KIF7: variants seen among roughly 807,000 people sequenced by gnomAD.
KIF7 encodes the protein kinesin-like protein KIF7.
In KIF7, 104 loss-of-function variants were observed where a neutral mutation model predicts 135.7. That is an observed-to-expected ratio of 0.77 (90% CI 0.65 to 0.90). KIF7 has a LOEUF of 0.90. Ranked by LOEUF, KIF7 falls within the 40% of genes least tolerant of loss-of-function variation. The probability of loss-of-function intolerance (pLI) is 0.00; values close to 1 mark genes in which losing one functional copy is unlikely to be tolerated. For missense variants in KIF7, 2,005 were observed against 1,839.1 expected, an observed-to-expected ratio of 1.09 and a Z score of -1.65; for synonymous variants, 883 against 809.4, an observed-to-expected ratio of 1.09 and a Z score of -1.54.
At chr15:89,623,721 G>T, downstream of KIF7, 1 of 1,614,028 alleles carries the variant, frequency 6.2e-7, no homozygotes, top group Non-Finnish European at 8.5e-7. Flanking sequence ...CTCCAGAAAG[G>T]CTGCAGAAGT....
intron 2 of KIF7, among the ~76,000 whole-genome samples, chr15:89,651,205 T>C (rs1252693777): frequency 1.3e-5 from 2 of 152,202 alleles, no homozygotes; most frequent in Non-Finnish European, 2.9e-5. Flanking sequence ...GTTCAAGCGA[T>C]TCCCCTGCCT....
chr15:89,636,758 TAGAC>T (rs1421122205), intron 11 of KIF7, among the ~76,000 whole-genome samples: 2 of 103,852 alleles, frequency 1.9e-5, no homozygotes, highest in Non-Finnish European at 3.9e-5. Context: ...ATGTCAACAT[TAGAC>T]AGATCAACAA....
chr15:89,629,051 G>T lies in KIF7; in HGVS notation c.3589C>A (p.Leu1197Met). The change falls in exon 18 of 19, where the codon CTG becomes ATG. Residue 1197 changes from leucine to methionine, a missense_variant. Leu to Met is a conservative substitution (Grantham distance 15). Coordinates refer to ENST00000394412, the MANE Select transcript of KIF7 (RefSeq NM_198525.3). ...TGGTTTATCCACATGTAACGGCCCA[G>T]TTCCTTCTCCAGAGCTTGAATCCGG... ...EARIQALEKE[L>M]GRYMWINQEL... 1 of 1,613,488 alleles carries T rather than the reference G, an allele frequency of 6.2e-7. No individual in the cohort carries two copies. The highest frequency in any genetic ancestry group is 8.5e-7 in the Non-Finnish European group (1 of 1,179,924).
At chr15:89,624,676 C>G, downstream of KIF7, 1 of 1,614,076 alleles carries the variant, frequency 6.2e-7, no homozygotes, top group Non-Finnish European at 8.5e-7. Flanking sequence ...CTCTCCTCTG[C>G]TCATTACAAG....
chr15:89,632,683 A>G, intron 14 of KIF7, 137 bp downstream of exon 14: 1 of 890,340 alleles, frequency 1.1e-6, no homozygotes. Context: ...CAGGTTTATC[A>G]CTTGGAAGGA....
At chr15:89,624,330 G>C, downstream of KIF7, 1 of 1,614,182 alleles carries the variant, frequency 6.2e-7, no homozygotes, top group South Asian at 1.1e-5. Context: ...AACTGGATCA[G>C]AAAGAGCCCC....
chr15:89,650,596 G>A (rs1441263307), intron 2 of KIF7, among the ~76,000 whole-genome samples: 4 of 152,174 alleles, frequency 2.6e-5, no homozygotes, highest in African/African-American at 9.7e-5. Flanking sequence ...GTTTCACCAT[G>A]TTGGCCAGGC....
downstream of KIF7, among the ~76,000 whole-genome samples, chr15:89,622,993 C>T (rs554338281): frequency 3.9e-5 from 6 of 152,324 alleles, no homozygotes; most frequent in South Asian, 1.0e-3. Flanking sequence ...GCCAGCTAGA[C>T]TGAGAGTCCC....
chr15:89,627,611 A>C (rs182275540), downstream of KIF7: 477 of 155,008 alleles, frequency 3.1e-3, 3 homozygotes, highest in Middle Eastern at 0.01. Flanking sequence ...CACTCAGTAC[A>C]TTTTTGTTTA....
At position 89,646,013 on chromosome 15, in the gene KIF7, C is replaced by A; in HGVS notation, c.1802G>T (p.Gly601Val). The change falls in exon 8 of 19, where the codon GGC (glycine) becomes GTC (valine). Residue 601 changes from glycine (G) to valine (V), a missense_variant. Transcript: ENST00000394412. ...SEQRGEQVTN[G>V]REAGAELLTE... ...CAGCAACTCAGCTCCAGCCTCCCTG[C>A]CATTTGTCACCTGCTAGGGGAGTGA... is the stretch of plus-strand genomic sequence containing the variant. The A allele has an allele frequency of 1.2e-6, 2 of 1,613,936 alleles. No individual in the cohort carries two copies. Among genetic ancestry groups the A allele is most frequent in the Non-Finnish European group, 1.7e-6 (2 of 1,179,982 alleles).
downstream of KIF7, chr15:89,627,009 G>C: frequency 6.2e-7 from 1 of 1,614,028 alleles, no homozygotes; most frequent in Non-Finnish European, 8.5e-7. Flanking sequence ...TTTCAGTCGC[G>C]CTTTCTCCAG....
chr15:89,638,498 CCAA>C (rs1963856327), intron 11 of KIF7, among the ~76,000 whole-genome samples: 1 of 151,556 alleles, frequency 6.6e-6, no homozygotes, highest in African/African-American at 2.4e-5. Flanking sequence ...TTCTTATACA[CCAA>C]CAACAAACAG....
intron 1 of KIF7, among the ~76,000 whole-genome samples, chr15:89,653,772 GTATTAGTATTAGTA>G: frequency 1.5e-5 from 1 of 67,106 alleles, no homozygotes; most frequent in East Asian, 2.8e-4. Context: ...ATTAGTATTA[GTATTAGTATTAGTA>G]TTTTGTAGAG....
downstream of KIF7, chr15:89,624,223 C>T (rs775702308): frequency 6.2e-7 from 1 of 1,614,196 alleles, no homozygotes; most frequent in East Asian, 2.2e-5. Context: ...TTCTTCCCCA[C>T]CTGTTACGCC....
At chr15:89,658,446 C>CAGAGAG (rs142155148), upstream of KIF7, among the ~76,000 whole-genome samples, 1 of 144,222 alleles carries the variant, frequency 6.9e-6, no homozygotes, top group African/African-American at 2.6e-5. Flanking sequence ...ACCCCATCTC[C>CAGAGAG]AGAGAGAGAG....
downstream of KIF7, chr15:89,624,000 TTCA>T (rs113279024): frequency 9.3e-5 from 150 of 1,613,862 alleles, no homozygotes; most frequent in African/African-American, 1.7e-3. Context: ...CCCCTCCAAC[TTCA>T]TCGACTGCCC....
At chr15:89,617,928 G>T (rs1393935693) in intron 2 of KIF7, 4 of 524,790 alleles carry the variant, frequency 7.6e-6, no homozygotes, top group Non-Finnish European at 1.4e-5. Flanking sequence ...CTGACCTCAA[G>T]TGATCCGCCC....
intron 11 of KIF7, among the ~76,000 whole-genome samples, chr15:89,634,809 C>G (rs1380950539): frequency 6.6e-6 from 1 of 152,228 alleles, no homozygotes; most frequent in Non-Finnish European, 1.5e-5. Context: ...GAAGCTCGAT[C>G]TGGGTGGAGC....
chr15:89,626,903 T>G, downstream of KIF7: 1 of 1,583,840 alleles, frequency 6.3e-7, no homozygotes, highest in African/African-American at 1.4e-5. Flanking sequence ...CCAATTTTTT[T>G]CAGTTCGGTC....
Sources: gnomAD v4.1 joint callset for allele counts (sites outside exome capture counted in the v4.1 genomes callset) on GRCh38, gnomAD v4.1.1 for gene constraint, MANE v1.5 for transcripts, NCBI Gene and HGNC (gene_info 2026-07-23, HGNC 2026-07-21) for gene names.